Variants in DSCAM observed in about 807,000 individuals in gnomAD.
DSCAM encodes DS cell adhesion molecule.
In DSCAM, 47 loss-of-function variants were observed where a neutral mutation model predicts 217.7. That is an observed-to-expected ratio of 0.22 (90% CI 0.17 to 0.28). The LOEUF is 0.28. DSCAM is among the 10% of genes least tolerant of loss of function. The pLI is 1.00. For synonymous variants in DSCAM, 1,056 were observed against 1,015.3 expected (o/e 1.04, Z -0.76); for missense variants, 2,080 against 2,618.3 (o/e 0.79, Z 4.49).
At chr21:40,581,844 CTTTCT>C (rs569346915) in intron 3 of DSCAM, among the ~76,000 whole-genome samples, 52 of 152,196 alleles carry the variant, frequency 3.4e-4, no homozygotes, top group East Asian at 2.1e-3. Flanking sequence ...AGAAGAATTT[CTTTCT>C]TTTAATTTTT....
intron 8 of DSCAM, among the ~76,000 whole-genome samples, chr21:40,321,900 C>G (rs2074263825): frequency 6.6e-6 from 1 of 152,160 alleles, no homozygotes; most frequent in Non-Finnish European, 1.5e-5. Context: ...TCACTCTGAT[C>G]ATCTTATAAT....
intron 1 of DSCAM, among the ~76,000 whole-genome samples, chr21:40,757,164 C>G (rs1017853839): frequency 5.9e-5 from 9 of 152,126 alleles, no homozygotes; most frequent in African/African-American, 2.2e-4. Flanking sequence ...GCTGGGACTA[C>G]AGGTGCCCAC....
intron 11 of DSCAM, among the ~76,000 whole-genome samples, chr21:40,202,447 T>C (rs997509515): frequency 9.9e-5 from 15 of 152,242 alleles, no homozygotes; most frequent in African/African-American, 3.6e-4. Context: ...ACACTGCCTG[T>C]GGCTCCCAGC....
chr21:40,106,605 T>C (rs1341364382), intron 20 of DSCAM, among the ~76,000 whole-genome samples: 1 of 152,200 alleles, frequency 6.6e-6, no homozygotes, highest in Non-Finnish European at 1.5e-5. Context: ...AATCTTGGGC[T>C]TTTTTCATTT....
intron 6 of DSCAM, among the ~76,000 whole-genome samples, chr21:40,342,604 GTGTATA>G (rs2074505395): frequency 7.7e-6 from 1 of 130,146 alleles, no homozygotes; most frequent in Non-Finnish European, 1.6e-5. Flanking sequence ...CATATAGTAT[GTGTATA>G]TGTGTGTGTG....
At chr21:40,075,292 A>G in intron 26 of DSCAM, 79 bp from the exon 27 acceptor site, 2 of 1,501,150 alleles carry the variant, frequency 1.3e-6, no homozygotes, top group East Asian at 4.6e-5. Context: ...AGGTTATAAA[A>G]ATCGCGCTGT....
At chr21:40,389,972 T>A (rs990626517) in intron 3 of DSCAM, among the ~76,000 whole-genome samples, 1 of 152,198 alleles carries the variant, frequency 6.6e-6, no homozygotes, top group African/African-American at 2.4e-5. Flanking sequence ...TCATCAGGCA[T>A]CATTGAGAAT....
At chr21:40,303,887 G>A (rs1316716986) in intron 9 of DSCAM, among the ~76,000 whole-genome samples, 1 of 152,202 alleles carries the variant, frequency 6.6e-6, no homozygotes, top group Admixed American at 6.5e-5. Flanking sequence ...ATATAAAAAA[G>A]TGTGAGAAAA....
intron 3 of DSCAM, among the ~76,000 whole-genome samples, chr21:40,562,059 C>T (rs1176167044): frequency 6.6e-6 from 1 of 152,190 alleles, no homozygotes; most frequent in Non-Finnish European, 1.5e-5. Flanking sequence ...GGGATGGGTT[C>T]CACTCTTGGG....
At chr21:40,408,850 G>C (rs1219180139) in intron 3 of DSCAM, among the ~76,000 whole-genome samples, 2 of 152,182 alleles carry the variant, frequency 1.3e-5, no homozygotes, top group African/African-American at 4.8e-5. Context: ...TCGTAGGCTA[G>C]TGTGATTCCG....
At chr21:40,187,354 T>A (rs1327032553) in intron 13 of DSCAM, 95 bp from the exon 14 acceptor site, 1 of 1,481,654 alleles carries the variant, frequency 6.7e-7, no homozygotes, top group Non-Finnish European at 9.2e-7. Context: ...AAACGATTTG[T>A]CTGCATTAGA....
chr21:40,644,956 A>T (rs1361488175), intron 3 of DSCAM, among the ~76,000 whole-genome samples: 2 of 152,192 alleles, frequency 1.3e-5, no homozygotes, highest in Non-Finnish European at 2.9e-5. Flanking sequence ...AAAGCCAAGC[A>T]CTCATACCCT....
At chr21:40,259,658 A>ATTTTT (rs1365627587) in intron 11 of DSCAM, among the ~76,000 whole-genome samples, 19 of 60,114 alleles carry the variant, frequency 3.2e-4, no homozygotes, top group South Asian at 1.2e-3. Flanking sequence ...TGAGTCAGCC[A>ATTTTT]TTCTTTTTTT....
At chr21:40,818,545 CACAAAAAAAAAAA>C in intron 1 of DSCAM, among the ~76,000 whole-genome samples, 1 of 43,570 alleles carries the variant, frequency 2.3e-5, no homozygotes, top group African/African-American at 9.3e-5. Context: ...GACTCCGTCT[CACAAAAAAAAAAA>C]AAAAAAAAAA....
chr21:40,336,869 G>A (rs143237429), intron 8 of DSCAM, among the ~76,000 whole-genome samples: 30 of 152,250 alleles, frequency 2.0e-4, no homozygotes, highest in African/African-American at 7.2e-4. Context: ...TGAAGCAGAT[G>A]TTCTGTAAAT....
intron 3 of DSCAM, among the ~76,000 whole-genome samples, chr21:40,575,134 C>T (rs569181189): frequency 1.6e-4 from 24 of 152,152 alleles, no homozygotes; most frequent in Admixed American, 7.9e-4. Context: ...CTTGCCTTAA[C>T]TGATGACATT....
intron 11 of DSCAM, among the ~76,000 whole-genome samples, chr21:40,192,015 A>G (rs2090957245): frequency 6.6e-6 from 1 of 152,202 alleles, no homozygotes; most frequent in Non-Finnish European, 1.5e-5. Context: ...AGGGGACATT[A>G]ATTTTTGGGG....
rs545004805 is a variant in DSCAM, at chr21:40,313,411, T to C, written c.1784-1052A>G. ...AAACTCAGCCTGGAAAGCTCTTTCCTGATTCAGCTTTGCTGAGTGATGCCT... is the reference window on the plus strand; with the variant it reads ...AAACTCAGCCTGGAAAGCTCTTTCCCGATTCAGCTTTGCTGAGTGATGCCT... On this transcript the variant is annotated intron_variant, in intron 8 of 32. Coordinates refer to ENST00000400454, the MANE Select transcript of DSCAM (RefSeq NM_001389.5). Among the ~76,000 whole-genome samples, 3 of 152,318 alleles carry C rather than the reference T, an allele frequency of 2.0e-5. No homozygotes were observed. In the South Asian group the frequency reaches 6.2e-4, roughly 32 times the overall value.
rs906122934 is a variant in DSCAM, at chr21:40,134,027, G to T, written c.3407-18C>A. 1 of 1,598,708 alleles carries T rather than the reference G, an allele frequency of 6.3e-7. No homozygotes were observed. The highest frequency in any genetic ancestry group is 8.5e-7 in the Non-Finnish European group (1 of 1,173,184). On this transcript the variant is annotated intron_variant, in intron 18 of 32. Coordinates refer to ENST00000400454, the MANE Select transcript of DSCAM (RefSeq NM_001389.5). ...ACCCAGCTCTGGAGGACAAGAACAA[G>T]AAAACAAAATCCCACTTCTGAGCCC...
Sources: gnomAD v4.1 joint callset for allele counts (sites outside exome capture counted in the v4.1 genomes callset) on GRCh38, gnomAD v4.1.1 for gene constraint, MANE v1.5 for transcripts, NCBI Gene and HGNC (gene_info 2026-07-23, HGNC 2026-07-21) for gene names.